Variants in NEK1 observed in about 807,000 individuals in gnomAD.
NEK1 encodes serine/threonine-protein kinase Nek1.
In NEK1, 137 loss-of-function variants were observed where a neutral mutation model predicts 182.1. That is an observed-to-expected ratio of 0.75 (90% CI 0.65 to 0.87). The LOEUF (loss-of-function observed/expected upper bound fraction) is 0.87, where lower values mean the gene tolerates loss of function less well. Ranked by LOEUF, NEK1 falls within the 40% of genes least tolerant of loss-of-function variation. The pLI, the probability that NEK1 is intolerant of heterozygous loss-of-function variation, is 0.00. For missense variants in NEK1, 1,391 were observed against 1,494.4 expected (o/e 0.93, Z 1.14); for synonymous variants, 513 against 492.2 (o/e 1.04, Z -0.56).
In NEK1 at chr4:169,463,382, T is replaced by C; in HGVS notation, c.2448A>G (p.Gly816=). 2.5e-6 allele frequency: 4 copies of C among 1,605,332 alleles called. No homozygotes were observed. The highest frequency in any genetic ancestry group is 3.4e-6 in the Non-Finnish European group (4 of 1,174,692). The change falls in exon 27 of 36, where the codon GGA becomes GGG. Residue 816 remains glycine (G), a synonymous_variant. Transcript: ENST00000507142. ...CATTAGGACCTAATTTAATAACTTC[T>C]CCCACTGTATGTCCTATAAGAAAAA... ...SFSTTERHTV[G]EVIKLGPNGS...
chr4:169,593,233 T>G (rs930538581), intron 5 of NEK1, among the ~76,000 whole-genome samples: 2 of 152,184 alleles, frequency 1.3e-5, no homozygotes, highest in Non-Finnish European at 2.9e-5. Context: ...TATTTTAGGT[T>G]TTGCAGGCCA....
chr4:169,570,064 C>A, intron 12 of NEK1, among the ~76,000 whole-genome samples: 1 of 151,258 alleles, frequency 6.6e-6, no homozygotes, highest in East Asian at 2.0e-4. Context: ...TCTTCCCGGC[C>A]GCCATCCCAT....
intron 19 of NEK1, among the ~76,000 whole-genome samples, chr4:169,515,712 CTCATTGT>C (rs1447832315): frequency 1.1e-5 from 1 of 91,492 alleles, no homozygotes; most frequent in African/African-American, 4.3e-5. Context: ...TCCATGTGAT[CTCATTGT>C]TCAATTCCCA....
chr4:169,474,571 G>GCT (rs1746613191), intron 26 of NEK1, among the ~76,000 whole-genome samples: 1 of 152,116 alleles, frequency 6.6e-6, no homozygotes, highest in African/African-American at 2.4e-5. Flanking sequence ...CTTTTACCAA[G>GCT]CTCACATTGC....
Position 169,561,746 on chromosome 4 carries a change from A to C in NEK1, c.1141-9T>G. ...TTCATTAAACTAATAATCTGTAACA[A>C]TTTTAAAGACAAGCTTCTTACAACT... On this transcript the variant is annotated splice_polypyrimidine_tract_variant and intron_variant, in intron 14 of 35. Coordinates refer to ENST00000507142, the MANE Select transcript of NEK1 (RefSeq NM_001199397.3). The C allele has an allele frequency of 6.3e-7, 1 of 1,584,620 alleles. No individual in the cohort carries two copies. The highest frequency in any genetic ancestry group is 8.6e-7 in the Non-Finnish European group (1 of 1,163,502).
intron 5 of NEK1, among the ~76,000 whole-genome samples, chr4:169,597,903 G>A (rs1455899538): frequency 2.0e-5 from 3 of 151,870 alleles, no homozygotes; most frequent in South Asian, 2.1e-4. Flanking sequence ...CACTCCACTC[G>A]AGCCTGGGTG....
At chr4:169,575,183 G>A (rs1765501410) in intron 12 of NEK1, among the ~76,000 whole-genome samples, 2 of 152,102 alleles carry the variant, frequency 1.3e-5, no homozygotes, top group African/African-American at 4.8e-5. Context: ...GATGGAATTG[G>A]CCCACTTAGG....
chr4:169,464,144 C>A (rs1021207358), intron 26 of NEK1, among the ~76,000 whole-genome samples: 2 of 151,762 alleles, frequency 1.3e-5, no homozygotes, highest in Admixed American at 6.6e-5. Context: ...AATAAGCAAT[C>A]ATTTTCTTAC....
chr4:169,479,446 C>A lies in NEK1; in HGVS notation c.2096G>T (p.Arg699Ile), dbSNP rs558787593. ...TGGSPSKQQM[R>I]SVISVTSALK... ...AGCTGAAGTTACAGAAATAACAGAT[C>A]TCATCTGTTGCTTTGATGGAGAGCC... is the stretch of plus-strand genomic sequence containing the variant. The change falls in exon 24 of 36, where the codon AGA becomes ATA. Residue 699 changes from arginine (R) to isoleucine (I), a missense_variant. Coordinates refer to ENST00000507142, the MANE Select transcript of NEK1 (RefSeq NM_001199397.3). The A allele has an allele frequency of 1.4e-5, 23 of 1,611,634 alleles. No homozygotes were observed. In the South Asian group the frequency reaches 1.5e-4, roughly 11 times the overall value.
At chr4:169,542,388 T>C (rs912275090) in intron 18 of NEK1, among the ~76,000 whole-genome samples, 6 of 152,230 alleles carry the variant, frequency 3.9e-5, no homozygotes, top group African/African-American at 1.4e-4. Flanking sequence ...ACACTTTCTT[T>C]ATCCAGTCTA....
At chr4:169,467,229 A>C (rs1745097516) in intron 26 of NEK1, among the ~76,000 whole-genome samples, 1 of 152,172 alleles carries the variant, frequency 6.6e-6, no homozygotes, top group Non-Finnish European at 1.5e-5. Flanking sequence ...TCTGGTCAAC[A>C]GTAGGCTATT....
chr4:169,408,530 C>T (rs926968177), intron 31 of NEK1, among the ~76,000 whole-genome samples: 4 of 151,896 alleles, frequency 2.6e-5, no homozygotes, highest in Admixed American at 1.3e-4. Flanking sequence ...TACATGGATA[C>T]GTTCTTCAGT....
chr4:169,562,000 TTTA>T (rs74271252), intron 13 of NEK1, 109 bp from the exon 14 acceptor site: 465 of 1,130,344 alleles, frequency 4.1e-4, no homozygotes, highest in South Asian at 8.1e-4. Flanking sequence ...AGGTTTTTTT[TTTA>T]AAAAAAAAAA....
At chr4:169,507,191 TTTTTTTTTTG>T in intron 22 of NEK1, 59 bp from the exon 23 acceptor site, 1 of 986,168 alleles carries the variant, frequency 1.0e-6, no homozygotes, top group East Asian at 2.7e-5. Context: ...AGGTTTTTTT[TTTTTTTTTTG>T]GGCCAGGTCT....
intron 31 of NEK1, among the ~76,000 whole-genome samples, chr4:169,415,945 C>T (rs1388289398): frequency 2.0e-5 from 3 of 152,124 alleles, no homozygotes; most frequent in Non-Finnish European, 2.9e-5. Context: ...AGGTGGAGGG[C>T]GGGGTAGGAG....
chr4:169,561,605 A>AT (rs1367766090), intron 15 of NEK1, 51 bp from the exon 16 acceptor site: 1 of 1,594,326 alleles, frequency 6.3e-7, no homozygotes, highest in African/African-American at 1.3e-5. Flanking sequence ...TTAATATAAA[A>AT]TACACGTAAT....
chr4:169,519,161 G>C (rs374981160), intron 19 of NEK1, among the ~76,000 whole-genome samples: 2 of 28,306 alleles, frequency 7.1e-5, no homozygotes, highest in Admixed American at 4.0e-4. Context: ...GTAGGTCACT[G>C]AGGACTTGCT....
chr4:169,572,376 C>T (rs533378354), intron 12 of NEK1, among the ~76,000 whole-genome samples: 1 of 152,030 alleles, frequency 6.6e-6, no homozygotes, highest in Non-Finnish European at 1.5e-5. Flanking sequence ...GGGCAGAGTT[C>T]CCATTTACTG....
chr4:169,548,079 T>G (rs1760817514), intron 18 of NEK1, among the ~76,000 whole-genome samples: 1 of 152,244 alleles, frequency 6.6e-6, no homozygotes, highest in Non-Finnish European at 1.5e-5. Context: ...TTCAGCCTTT[T>G]TGCGCTGGTT....
Sources: allele counts gnomAD v4.1 joint callset (sites outside exome capture counted in the v4.1 genomes callset), GRCh38; gene constraint gnomAD v4.1.1; transcripts MANE v1.5; gene names NCBI Gene and HGNC (gene_info 2026-07-23, HGNC 2026-07-21).